The following CDC27 variants were observed in gnomAD, a reference collection of about 807,000 sequenced individuals.
CDC27 encodes cell division cycle 27, also known as cell division cycle protein 27 homolog.
A neutral mutation model predicts 109.7 loss-of-function variants in CDC27; 27 were observed. That is an observed-to-expected ratio of 0.25 (90% CI 0.18 to 0.34). The LOEUF (loss-of-function observed/expected upper bound fraction) is 0.34, where lower values mean the gene tolerates loss of function less well. CDC27 is among the 10% of genes least tolerant of loss of function. The probability of loss-of-function intolerance (pLI) is 1.00; values close to 1 mark genes in which losing one functional copy is unlikely to be tolerated. For synonymous variants in CDC27, 266 were observed against 333.9 expected (o/e 0.80, Z 2.22); for missense variants, 579 against 960.2 (o/e 0.60, Z 5.25).
At position 47,144,871 on chromosome 17, in the gene CDC27, TCA is replaced by T. The variant is rs35160918; in HGVS notation, c.1071-891_1071-890del. On this transcript the variant is annotated intron_variant, in intron 9 of 18. Transcript: ENST00000066544. ...CTCTGTATATGCATGTGTGTGTATA[TCA>T]CACACACACACACACACACATAAAT... Among the ~76,000 whole-genome samples, 454 of 149,920 alleles carry T rather than the reference TCA, an allele frequency of 3.0e-3. 1 individual carries two copies. Among genetic ancestry groups the T allele is most frequent in the African/African-American group, 9.6e-3 (393 of 40,918 alleles).
At position 47,168,759 on chromosome 17, in the gene CDC27, G is replaced by A. The variant is rs1049934052; in HGVS notation, c.377+1158C>T. Among the ~76,000 whole-genome samples, 5 of 151,874 alleles carry A rather than the reference G, an allele frequency of 3.3e-5. No individual in the cohort carries two copies. The South Asian group carries it at 1.0e-3, about 32-fold the overall frequency. The stretch of plus-strand genomic sequence containing the variant: ...ACATACCACCGTTACACCTGAAAAC[G>A]GGCCCCCAAACTTAGTCAAATAATG... On this transcript the variant is annotated intron_variant, in intron 4 of 18. Coordinates refer to ENST00000066544, the MANE Select transcript of CDC27 (RefSeq NM_001256.6).
chr17:47,141,199 T>C (rs930672929), intron 12 of CDC27, among the ~76,000 whole-genome samples: 3 of 152,180 alleles, frequency 2.0e-5, no homozygotes, highest in African/African-American at 4.8e-5. Flanking sequence ...TCATATCAAC[T>C]TTAATCCATA....
At chr17:47,185,062 C>T (rs1567728560) in intron 1 of CDC27, among the ~76,000 whole-genome samples, 1 of 152,070 alleles carries the variant, frequency 6.6e-6, no homozygotes. Flanking sequence ...ATAAATAAAC[C>T]AACAGCTTAA....
intron 14 of CDC27, among the ~76,000 whole-genome samples, chr17:47,132,988 CATATATATATATATATAT>C (rs1158266100): frequency 1.1e-3 from 44 of 40,896 alleles, no homozygotes; most frequent in South Asian, 9.3e-4. Context: ...TGCCCAGGCG[CATATATATATATATATAT>C]ATATATATAT....
At chr17:47,175,770 C>T (rs1031347029) in intron 2 of CDC27, among the ~76,000 whole-genome samples, 3 of 152,150 alleles carry the variant, frequency 2.0e-5, no homozygotes, top group African/African-American at 7.2e-5. Flanking sequence ...AAGCTGAGAT[C>T]ACGCCACTGC....
In CDC27 at chr17:47,170,021, G is replaced by A; in HGVS notation, c.273C>T (p.Ile91=). 1 of 1,535,656 alleles carries A rather than the reference G, an allele frequency of 6.5e-7. No homozygotes were observed. The highest frequency in any genetic ancestry group is 8.7e-7 in the Non-Finnish European group (1 of 1,144,964). ...GCTTATTAAACACTCCACCAGATAA[G>A]ATTTGTTCCCCTTCTGCAAGCCTTT... ...DLSKLAEGEQ[I]LSGGVFNKQK... Residue 91 remains isoleucine, a synonymous_variant, in exon 4 of 19, where the codon ATC becomes ATT. Transcript: ENST00000066544.
chr17:47,140,246 G>A (rs2062754790), intron 12 of CDC27, among the ~76,000 whole-genome samples: 1 of 152,112 alleles, frequency 6.6e-6, no homozygotes. Context: ...CCAAGTAGCT[G>A]GGACCACAGG....
chr17:47,185,595 CTTTAT>C (rs1033537770), intron 1 of CDC27, among the ~76,000 whole-genome samples: 10 of 152,128 alleles, frequency 6.6e-5, no homozygotes, highest in Admixed American at 2.0e-4. Context: ...AAAAAGCTGT[CTTTAT>C]TTTATTTTAT....
chr17:47,133,030 C>CATATATATATATAT (rs1434986977), intron 14 of CDC27, among the ~76,000 whole-genome samples: 1 of 29,416 alleles, frequency 3.4e-5, no homozygotes, highest in Non-Finnish European at 7.6e-5. Flanking sequence ...TATATATATA[C>CATATATATATATAT]ACACACACAC....
rs557476272 is a variant in CDC27, at chr17:47,120,706, C to A, written c.*229G>T. On this transcript the variant is annotated 3_prime_UTR_variant, in exon 19 of 19. Transcript: ENST00000066544. ...GAAAAGAAAGTTCCCCACCCTACCC[C>A]CCATAAATTGTCATTCATACTGGTA... 1.0e-4 allele frequency: 44 copies of A among 424,200 alleles called. 1 individual carries two copies. In the East Asian group the frequency reaches 1.4e-3, roughly 13 times the overall value. 26.3% of individuals were successfully genotyped at this position (424,200 alleles called of 1,614,324 possible).
chr17:47,182,774 G>T (rs1275023364), intron 1 of CDC27, among the ~76,000 whole-genome samples: 1 of 151,930 alleles, frequency 6.6e-6, no homozygotes, highest in Non-Finnish European at 1.5e-5. Context: ...TGGACATTTG[G>T]GTTATTTCTA....
chr17:47,148,267 AAAAAC>A (rs984335721), intron 9 of CDC27, among the ~76,000 whole-genome samples: 1 of 152,286 alleles, frequency 6.6e-6, no homozygotes, highest in African/African-American at 2.4e-5. Context: ...TCTGCAATAA[AAAAAC>A]AAAACAAAAC....
chr17:47,132,977 T>A (rs2062400443), intron 14 of CDC27, among the ~76,000 whole-genome samples: 2 of 118,548 alleles, frequency 1.7e-5, no homozygotes, highest in Non-Finnish European at 3.4e-5. Context: ...TTTTGCCATG[T>A]TGCCCAGGCG....
intron 14 of CDC27, among the ~76,000 whole-genome samples, chr17:47,134,832 C>T (rs1157164886): frequency 7.0e-6 from 1 of 143,586 alleles, no homozygotes; most frequent in East Asian, 2.0e-4. Flanking sequence ...GCTATGTTGA[C>T]CAGGCTGGTC....
chr17:47,170,110 C>T (rs2063769923), intron 3 of CDC27, 68 bp from the exon 4 acceptor site: 1 of 1,263,036 alleles, frequency 7.9e-7, no homozygotes, highest in Non-Finnish European at 1.1e-6. Context: ...ACATATTCTT[C>T]ATTACCAAAG....
intron 18 of CDC27, 71 bp from the exon 19 acceptor site, chr17:47,121,088 T>A: frequency 1.0e-6 from 1 of 961,384 alleles, no homozygotes. Context: ...TGAAAACAAG[T>A]AAGAAAAATT....
chr17:47,155,934 C>T (rs2063289639), intron 7 of CDC27, among the ~76,000 whole-genome samples: 1 of 152,118 alleles, frequency 6.6e-6, no homozygotes, highest in African/African-American at 2.4e-5. Context: ...ACCTGGGTGA[C>T]AGAGTGAGAT....
rs1053731176 is a variant in CDC27 at position 47,167,043 on chromosome 17, C to T, written c.377+2874G>A. Reference sequence around the variant, plus strand: ...CTAACTTTTTTATTTTTAGTAGAGACAAGGTTTCACCATGTTGGCCTGGCT... The same window carrying T: ...CTAACTTTTTTATTTTTAGTAGAGATAAGGTTTCACCATGTTGGCCTGGCT... On this transcript the variant is annotated intron_variant, in intron 4 of 18. Coordinates refer to ENST00000066544, the MANE Select transcript of CDC27 (RefSeq NM_001256.6). Among the ~76,000 whole-genome samples, 3 of 152,150 alleles carry T rather than the reference C, an allele frequency of 2.0e-5. No individual in the cohort carries two copies. The South Asian group carries it at 6.2e-4, about 31-fold the overall frequency.
chr17:47,157,423 A>C, intron 5 of CDC27, 39 bp from the exon 6 acceptor site: 1 of 1,512,562 alleles, frequency 6.6e-7, no homozygotes, highest in African/African-American at 1.4e-5. Flanking sequence ...TCTCTGAGGA[A>C]GTGAGGAATA....
Sources: gnomAD v4.1 joint callset for allele counts (sites outside exome capture counted in the v4.1 genomes callset) on GRCh38, gnomAD v4.1.1 for gene constraint, MANE v1.5 for transcripts, NCBI Gene and HGNC (gene_info 2026-07-23, HGNC 2026-07-21) for gene names.